KIF9: variants seen among roughly 807,000 people sequenced by gnomAD.
KIF9 encodes kinesin-like protein KIF9.
In KIF9, 68 loss-of-function variants were observed where a neutral mutation model predicts 94.8. That is an observed-to-expected ratio of 0.72 (90% confidence interval 0.59 to 0.88). The LOEUF (loss-of-function observed/expected upper bound fraction) is 0.88, where lower values mean the gene tolerates loss of function less well. Ranked by LOEUF, KIF9 falls within the 40% of genes least tolerant of loss-of-function variation. The pLI is 0.00. For missense variants in KIF9, 882 were observed against 982.5 expected (o/e 0.90, Z 1.37); for synonymous variants, 343 against 362.1 (o/e 0.95, Z 0.60).
intron 17 of KIF9, among the ~76,000 whole-genome samples, chr3:47,240,494 A>G (rs1699388709): frequency 6.6e-6 from 1 of 152,128 alleles, no homozygotes; most frequent in Admixed American, 6.5e-5. Flanking sequence ...TCCCAGTGAT[A>G]CCTCTGCAGG....
chr3:47,270,736 C>T lies in KIF9; in HGVS notation c.591+501G>A, dbSNP rs980044818. Among the ~76,000 whole-genome samples, 24 of 150,234 alleles carry T rather than the reference C, an allele frequency of 1.6e-4. 1 individual carries two copies. The highest frequency in any genetic ancestry group is 2.4e-5 in the African/African-American group (1 of 40,922). ...ATGAATCATTTTTTCTTTTTATTTA[C>T]GTAACAGGAAAGGAAGAGGAAATAA... is the stretch of plus-strand genomic sequence containing the variant. On this transcript the variant is annotated intron_variant, in intron 5 of 20. Transcript: ENST00000684063.
At chr3:47,277,217 G>A (rs1326973282) in intron 2 of KIF9, 65 bp downstream of exon 2, 23 of 1,206,042 alleles carry the variant, frequency 1.9e-5, no homozygotes, top group Non-Finnish European at 2.0e-5. Flanking sequence ...TTGGAAATAC[G>A]GTCACACTAT....
intron 1 of KIF9, chr3:47,281,057 C>G (rs1702304374): frequency 1.4e-6 from 1 of 702,878 alleles, no homozygotes; most frequent in Non-Finnish European, 2.6e-6. Context: ...CTTTTTATCT[C>G]TTTTGAATCC....
At chr3:47,249,573 T>C (rs924045749) in intron 10 of KIF9, among the ~76,000 whole-genome samples, 1 of 152,212 alleles carries the variant, frequency 6.6e-6, no homozygotes, top group Admixed American at 6.5e-5. Context: ...CTGCCCCCAT[T>C]ACCTCTTTTC....
At chr3:47,237,126 G>A (rs13100052) in intron 17 of KIF9, among the ~76,000 whole-genome samples, 3 of 151,914 alleles carry the variant, frequency 2.0e-5, no homozygotes, top group Non-Finnish European at 4.4e-5. Context: ...ATGGAGTCTC[G>A]CCTTGTTGCC....
intron 20 of KIF9, among the ~76,000 whole-genome samples, chr3:47,234,248 T>C (rs1332484679): frequency 6.6e-6 from 1 of 151,542 alleles, no homozygotes; most frequent in African/African-American, 2.4e-5. Flanking sequence ...TTTTTTTTTT[T>C]GGAGACGGAG....
chr3:47,279,661 G>C (rs1702204429), intron 1 of KIF9, among the ~76,000 whole-genome samples: 1 of 150,204 alleles, frequency 6.7e-6, no homozygotes, highest in African/African-American at 2.4e-5. Context: ...CTATCACCCA[G>C]GTTGGAGCGC....
At chr3:47,279,775 C>T (rs1702215925) in intron 1 of KIF9, among the ~76,000 whole-genome samples, 1 of 151,868 alleles carries the variant, frequency 6.6e-6, no homozygotes, top group African/African-American at 2.4e-5. Context: ...CGCCACCAAG[C>T]CCCGCTAATT....
At chr3:47,236,395 G>A (rs13094438) in intron 18 of KIF9, 48 bp downstream of exon 18, 916,533 of 1,599,074 alleles carry the variant, frequency 0.57, 267,450 homozygotes, top group Non-Finnish European at 0.6. Flanking sequence ...GCCTCTCCCT[G>A]AGTCTCCTTG....
intron 17 of KIF9, chr3:47,238,363 T>C (rs1575939119): frequency 6.6e-6 from 1 of 152,172 alleles, no homozygotes; most frequent in Non-Finnish European, 1.5e-5. Flanking sequence ...ACTATAGCCA[T>C]GTGCCACCAC....
chr3:47,264,122 C>T, intron 9 of KIF9, 164 bp downstream of exon 9: 1 of 620,226 alleles, frequency 1.6e-6, no homozygotes, highest in South Asian at 1.7e-5. Flanking sequence ...TGGATCCTAG[C>T]TCTGGGCCCC....
intron 16 of KIF9, among the ~76,000 whole-genome samples, chr3:47,241,649 G>A (rs13082355): frequency 0.95 from 140,738 of 147,452 alleles, 67,498 homozygotes; most frequent in East Asian, 1. Flanking sequence ...GTGTGTGTGT[G>A]TATATATATA....
At chr3:47,270,683 G>A (rs1479537659) in intron 5 of KIF9, among the ~76,000 whole-genome samples, 1 of 151,932 alleles carries the variant, frequency 6.6e-6, no homozygotes, top group Non-Finnish European at 1.5e-5. Flanking sequence ...ATACATTATT[G>A]TTGCCTTATG....
intron 16 of KIF9, among the ~76,000 whole-genome samples, chr3:47,241,404 C>A (rs1362103342): frequency 1.3e-5 from 2 of 151,816 alleles, no homozygotes; most frequent in Non-Finnish European, 2.9e-5. Flanking sequence ...TCACTGCAAC[C>A]CCCACCTCCT....
chr3:47,259,338 G>C (rs1700817548), intron 9 of KIF9, among the ~76,000 whole-genome samples: 1 of 152,176 alleles, frequency 6.6e-6, no homozygotes, highest in Admixed American at 6.5e-5. Flanking sequence ...TTCCCTCAGG[G>C]ACCTCTCTGC....
At chr3:47,269,128 T>A (rs1217854060) in intron 5 of KIF9, among the ~76,000 whole-genome samples, 1 of 152,180 alleles carries the variant, frequency 6.6e-6, no homozygotes, top group Admixed American at 6.5e-5. Context: ...GTTGAGGAAG[T>A]AAGTTGCTAT....
intron 20 of KIF9, among the ~76,000 whole-genome samples, chr3:47,234,552 A>AT (rs1238824817): frequency 1.7e-4 from 20 of 114,894 alleles, no homozygotes; most frequent in South Asian, 2.7e-4. Flanking sequence ...TGTGCCCAGC[A>AT]TTTTTTTTTT....
At chr3:47,258,236 G>T (rs1008698719) in intron 9 of KIF9, among the ~76,000 whole-genome samples, 35 of 152,032 alleles carry the variant, frequency 2.3e-4, no homozygotes, top group African/African-American at 8.5e-4. Context: ...TTGTTTGTGG[G>T]GTTTTGTTTG....
intron 9 of KIF9, among the ~76,000 whole-genome samples, chr3:47,259,459 T>C (rs1353007482): frequency 6.6e-6 from 1 of 152,214 alleles, no homozygotes; most frequent in Non-Finnish European, 1.5e-5. Context: ...ATCTGGGGCC[T>C]GGACCTCCCA....
Sources: allele counts gnomAD v4.1 joint callset (sites outside exome capture counted in the v4.1 genomes callset), GRCh38; gene constraint gnomAD v4.1.1; transcripts MANE v1.5; gene names NCBI Gene and HGNC (gene_info 2026-07-23, HGNC 2026-07-21).